Variants in CGRRF1 observed in about 807,000 individuals in gnomAD.
CGRRF1 encodes the protein cell growth regulator with ring finger domain 1.
CGRRF1 carries 32 observed loss-of-function variants against 37.2 expected under a neutral mutation model. The observed-to-expected ratio is 0.86, with a 90% CI of 0.65 to 1.16. The LOEUF is 1.16. Ranked by LOEUF, CGRRF1 falls within the 50% of genes most tolerant of loss-of-function variation. The pLI, the probability that CGRRF1 is intolerant of heterozygous loss-of-function variation, is 0.00. For missense variants in CGRRF1, 391 were observed against 382.6 expected (o/e 1.02, Z -0.18); for synonymous variants, 141 against 140.3 (o/e 1.00, Z -0.04).
intron 1 of CGRRF1, among the ~76,000 whole-genome samples, chr14:54,520,237 T>C (rs1165012634): frequency 6.6e-6 from 1 of 152,018 alleles, no homozygotes; most frequent in East Asian, 1.9e-4. Context: ...GCCTCCCGAG[T>C]AGCTGGGACT....
At chr14:54,522,698 C>T (rs2032341765) in intron 2 of CGRRF1, 105 bp downstream of exon 2, 2 of 1,085,366 alleles carry the variant, frequency 1.8e-6, no homozygotes, top group South Asian at 3.2e-5. Context: ...TTTTAACAAA[C>T]ATTTGTTGGG....
In CGRRF1 at chr14:54,537,804, C is replaced by G. The variant is rs981916353; in HGVS notation, c.653C>G (p.Ala218Gly). Residue 218 changes from alanine (A) to glycine (G), a missense_variant, in exon 5 of 6, where the codon GCT becomes GGT. Coordinates refer to ENST00000216420, the MANE Select transcript of CGRRF1 (RefSeq NM_006568.3). ...ATATTGTATCAATATTTACTCTTGG[C>G]TCAAGGTCAATTTCATGATCTTAAG... ...CRILYQYLLL[A>G]QGQFHDLKQL... The G allele has an allele frequency of 3.1e-6, 5 of 1,602,666 alleles. No homozygotes were observed. The highest frequency in any genetic ancestry group is 4.2e-6 in the Non-Finnish European group (5 of 1,177,160).
Position 54,538,604 on chromosome 14 carries a change from C to T in CGRRF1, c.*221C>T, listed in dbSNP as rs545246631. The T allele has an allele frequency of 3.8e-4, 137 of 358,020 alleles. 1 individual carries two copies. The highest frequency in any genetic ancestry group is 2.8e-3 in the African/African-American group (132 of 47,572). The allele number at this position is 358,020 out of a possible 1,614,324, so 22.2% of individuals were successfully genotyped here. A position where few individuals can be genotyped will look rare whatever the true frequency, so the allele number is the denominator to read the frequency against. On this transcript the variant is annotated 3_prime_UTR_variant, in exon 6 of 6. Coordinates refer to ENST00000216420, the MANE Select transcript of CGRRF1 (RefSeq NM_006568.3). The stretch of plus-strand genomic sequence containing the variant: ...TGTTGATACATAAAAATTCATTCAA[C>T]TCTTGAAAAGAATCTAAGAGTTTGG...
chr14:54,538,564 A>C lies in CGRRF1; in HGVS notation c.*181A>C. The C allele has an allele frequency of 4.3e-6, 2 of 463,542 alleles. No individual in the cohort carries two copies. Among genetic ancestry groups the C allele is most frequent in the Non-Finnish European group, 7.5e-6 (2 of 265,342 alleles). 28.7% of individuals were successfully genotyped at this position (463,542 alleles called of 1,614,324 possible). On this transcript the variant is annotated 3_prime_UTR_variant, in exon 6 of 6. Coordinates refer to ENST00000216420, the MANE Select transcript of CGRRF1 (RefSeq NM_006568.3). ...ATTCCTTTCTGCTTAGTGAATGAAT[A>C]CTGGAATCCATCTGTGTTGATACAT...
chr14:54,528,102 G>A (rs1325477933), intron 2 of CGRRF1, among the ~76,000 whole-genome samples: 2 of 151,172 alleles, frequency 1.3e-5, no homozygotes, highest in South Asian at 2.1e-4. Flanking sequence ...ATAAACAGTA[G>A]CATATATATT....
chr14:54,523,634 A>G (rs2032359460), intron 2 of CGRRF1, among the ~76,000 whole-genome samples: 1 of 151,964 alleles, frequency 6.6e-6, no homozygotes, highest in Non-Finnish European at 1.5e-5. Context: ...AGTTATGGCT[A>G]AAGCATAGGA....
chr14:54,513,880 A>G (rs1223599823), intron 1 of CGRRF1, among the ~76,000 whole-genome samples: 1 of 152,164 alleles, frequency 6.6e-6, no homozygotes, highest in African/African-American at 2.4e-5. Context: ...AGAATTACCT[A>G]GCCTTTGTCA....
chr14:54,522,294 C>T (rs1453782290), intron 1 of CGRRF1, among the ~76,000 whole-genome samples, 160 bp from the exon 2 acceptor site: 1 of 152,136 alleles, frequency 6.6e-6, no homozygotes, highest in African/African-American at 2.4e-5. Flanking sequence ...AACTGTTTTG[C>T]AGTTCTGTGG....
Position 54,509,940 on chromosome 14 carries a change from C to G in CGRRF1, c.-20C>G. ...TGGGCTCCGCGGCTGGAGCCGGGCT[C>G]TACCCAGAGCAAGACCCTGATGGCT... On this transcript the variant is annotated 5_prime_UTR_variant, in exon 1 of 6. Transcript: ENST00000216420. 1.3e-6 allele frequency: 2 copies of G among 1,585,532 alleles called. No homozygotes were observed. Among genetic ancestry groups the G allele is most frequent in the Non-Finnish European group, 1.7e-6 (2 of 1,154,104 alleles).
At chr14:54,531,807 A>G (rs181231258) in intron 4 of CGRRF1, among the ~76,000 whole-genome samples, 16 of 152,304 alleles carry the variant, frequency 1.1e-4, no homozygotes, top group East Asian at 7.7e-4. Context: ...TCATCTGAGT[A>G]TAATAGAAAC....
At chr14:54,525,242 A>G (rs143657761) in intron 2 of CGRRF1, among the ~76,000 whole-genome samples, 218 of 152,350 alleles carry the variant, frequency 1.4e-3, no homozygotes, top group African/African-American at 4.9e-3. Flanking sequence ...TGAAAAACTA[A>G]GAAGAGCTGA....
chr14:54,514,636 C>A (rs530576525), intron 1 of CGRRF1, among the ~76,000 whole-genome samples: 1 of 152,234 alleles, frequency 6.6e-6, no homozygotes, highest in Admixed American at 6.5e-5. Flanking sequence ...CTGTTGTTCC[C>A]TTCTTTGGGC....
chr14:54,526,360 A>G (rs1473777471), intron 2 of CGRRF1, among the ~76,000 whole-genome samples: 2 of 151,772 alleles, frequency 1.3e-5, no homozygotes, highest in African/African-American at 2.4e-5. Context: ...CGTGTTATCC[A>G]GGATGGTCTC....
Position 54,509,953 on chromosome 14 carries a change from G to A in CGRRF1, c.-7G>A, listed in dbSNP as rs760481707. On this transcript the variant is annotated 5_prime_UTR_variant, in exon 1 of 6. Coordinates refer to ENST00000216420, the MANE Select transcript of CGRRF1 (RefSeq NM_006568.3). ...TGGAGCCGGGCTCTACCCAGAGCAAGACCCTGATGGCTGCGGTGTTTCTGG... is the reference window on the plus strand; with the variant it reads ...TGGAGCCGGGCTCTACCCAGAGCAAAACCCTGATGGCTGCGGTGTTTCTGG... 3 of 1,608,044 alleles carry A rather than the reference G, an allele frequency of 1.9e-6. No homozygotes were observed. The highest frequency in any genetic ancestry group is 1.7e-5 in the Admixed American group (1 of 59,998).
At position 54,538,323 on chromosome 14, in the gene CGRRF1, G is replaced by A; in HGVS notation, c.939G>A (p.Gln313=). The part of the protein sequence containing the change: ...QQCPMCRQFV[Q]ESFALCSQKE... Reference sequence around the variant, plus strand: ...GCCCAATGTGCAGGCAGTTTGTTCAGGAATCTTTTGCACTTTGCAGTCAAA... The same window carrying A: ...GCCCAATGTGCAGGCAGTTTGTTCAAGAATCTTTTGCACTTTGCAGTCAAA... The change falls in exon 6 of 6, where the codon CAG becomes CAA. Residue 313 remains glutamine (Q), a synonymous_variant. Coordinates refer to ENST00000216420, the MANE Select transcript of CGRRF1 (RefSeq NM_006568.3). 6.2e-7 allele frequency: 1 copy of A among 1,613,902 alleles called. No individual in the cohort carries two copies. Among genetic ancestry groups the A allele is most frequent in the African/African-American group, 1.3e-5 (1 of 75,034 alleles).
At chr14:54,534,521 A>C (rs1187272447) in intron 4 of CGRRF1, among the ~76,000 whole-genome samples, 4 of 152,210 alleles carry the variant, frequency 2.6e-5, no homozygotes, top group Non-Finnish European at 5.9e-5. Flanking sequence ...TAAATTAATA[A>C]ATCTTTATAA....
intron 2 of CGRRF1, among the ~76,000 whole-genome samples, chr14:54,527,180 G>A (rs1421982770): frequency 6.6e-6 from 1 of 151,412 alleles, no homozygotes; most frequent in African/African-American, 2.4e-5. Context: ...CTGAGTTTTA[G>A]AAGGCAAAAA....
intron 2 of CGRRF1, among the ~76,000 whole-genome samples, chr14:54,529,430 A>G (rs2032469451): frequency 6.6e-6 from 1 of 152,244 alleles, no homozygotes; most frequent in African/African-American, 2.4e-5. Flanking sequence ...TGAACAACTG[A>G]ATTAAGATAC....
intron 1 of CGRRF1, among the ~76,000 whole-genome samples, chr14:54,516,750 T>G (rs574166676): frequency 6.6e-6 from 1 of 152,334 alleles, no homozygotes; most frequent in Non-Finnish European, 1.5e-5. Context: ...TCAAATACTT[T>G]ATCTGTCCTC....
Sources: gnomAD v4.1 joint callset for allele counts (sites outside exome capture counted in the v4.1 genomes callset) on GRCh38, gnomAD v4.1.1 for gene constraint, MANE v1.5 for transcripts, NCBI Gene and HGNC (gene_info 2026-07-23, HGNC 2026-07-21) for gene names.